The following SCYL2 variants were observed in gnomAD, a reference collection of about 807,000 sequenced individuals.
SCYL2 encodes SCY1 like pseudokinase 2.
Under a neutral mutation model 100.4 loss-of-function variants are expected in SCYL2, and 36 were observed. The ratio of observed to expected loss-of-function variants is 0.36; its 90% CI spans 0.27 to 0.47. The LOEUF (loss-of-function observed/expected upper bound fraction) is 0.47. Ranked by LOEUF, SCYL2 falls within the 20% of genes least tolerant of loss-of-function variation. The pLI is 1.00. For synonymous variants in SCYL2, 330 were observed against 359.2 expected (o/e 0.92, Z 0.92); for missense variants, 902 against 1,083.9 (o/e 0.83, Z 2.36).
chr12:100,298,635 C>T (rs542693792), intron 4 of SCYL2, among the ~76,000 whole-genome samples: 4 of 152,224 alleles, frequency 2.6e-5, no homozygotes, highest in African/African-American at 9.6e-5. Flanking sequence ...CTGCAACCTC[C>T]ACCTCCCTGC....
At chr12:100,268,732 A>G (rs2096283248) in intron 1 of SCYL2, among the ~76,000 whole-genome samples, 1 of 152,186 alleles carries the variant, frequency 6.6e-6, no homozygotes, top group African/African-American at 2.4e-5. Flanking sequence ...ACTCATATTC[A>G]CATGTTTGAA....
At chr12:100,295,771 G>A (rs1181470880) in intron 3 of SCYL2, among the ~76,000 whole-genome samples, 4 of 89,050 alleles carry the variant, frequency 4.5e-5, no homozygotes, top group African/African-American at 1.7e-4. Context: ...GTGGGGAGAC[G>A]GGAGAGGGAG....
chr12:100,332,149 C>T (rs962531872), intron 13 of SCYL2, among the ~76,000 whole-genome samples: 5 of 152,160 alleles, frequency 3.3e-5, no homozygotes, highest in Admixed American at 2.6e-4. Context: ...CGCAGGATTC[C>T]CCTTGTAATG....
intron 2 of SCYL2, among the ~76,000 whole-genome samples, chr12:100,290,426 G>A (rs1199288395): frequency 6.6e-6 from 1 of 152,102 alleles, no homozygotes; most frequent in Non-Finnish European, 1.5e-5. Flanking sequence ...ATATACATAA[G>A]GAACCCTCAT....
chr12:100,284,138 A>G (rs1193706412), intron 2 of SCYL2, among the ~76,000 whole-genome samples: 5 of 152,230 alleles, frequency 3.3e-5, no homozygotes, highest in Non-Finnish European at 7.3e-5. Flanking sequence ...ACAAATTTAT[A>G]AAATTAGACA....
intron 10 of SCYL2, among the ~76,000 whole-genome samples, chr12:100,320,978 G>C (rs2096355164): frequency 6.6e-6 from 1 of 152,120 alleles, no homozygotes; most frequent in Non-Finnish European, 1.5e-5. Flanking sequence ...GCCCAGGCTT[G>C]AGTGCAGTGG....
At chr12:100,326,118 A>G (rs1566368869) in intron 11 of SCYL2, among the ~76,000 whole-genome samples, 1 of 152,120 alleles carries the variant, frequency 6.6e-6, no homozygotes, top group African/African-American at 2.4e-5. Flanking sequence ...AAGCTTCTAA[A>G]TAAGAGGTCT....
chr12:100,295,827 T>C, intron 3 of SCYL2, among the ~76,000 whole-genome samples: 1 of 151,820 alleles, frequency 6.6e-6, no homozygotes, highest in Non-Finnish European at 1.5e-5. Flanking sequence ...TCATCCATGC[T>C]GAGCTGCAAG....
chr12:100,283,551 T>G (rs1293334651), intron 2 of SCYL2, among the ~76,000 whole-genome samples: 1 of 152,170 alleles, frequency 6.6e-6, no homozygotes. Context: ...CAACGTTAAG[T>G]GCGTCTTAGT....
chr12:100,325,692 T>C (rs549249262), intron 11 of SCYL2, among the ~76,000 whole-genome samples: 1 of 152,296 alleles, frequency 6.6e-6, no homozygotes, highest in East Asian at 1.9e-4. Flanking sequence ...ATTACTTACA[T>C]GACTAATATT....
chr12:100,312,828 G>T (rs1487458540), intron 6 of SCYL2, among the ~76,000 whole-genome samples, 175 bp downstream of exon 6: 1 of 152,008 alleles, frequency 6.6e-6, no homozygotes, highest in Admixed American at 6.6e-5. Flanking sequence ...TATAAGTAAC[G>T]CAGACTAGGC....
chr12:100,291,615 G>T lies in SCYL2; in HGVS notation c.290G>T (p.Arg97Leu). ...GGAGTCCAACAGTTAACTCGGCTTC[G>T]ACACCCTCGACTTCTTACTGTCCAG... ...KRGVQQLTRL[R>L]HPRLLTVQHP... is the part of the protein sequence containing the mutation. Residue 97 changes from arginine to leucine, a missense_variant, in exon 3 of 18, where the codon CGA (arginine) becomes CTA (leucine). Physicochemically the swap from Arg to Leu is moderately radical, Grantham distance 102. Coordinates refer to ENST00000360820, the MANE Select transcript of SCYL2 (RefSeq NM_017988.6). The T allele has an allele frequency of 6.3e-7, 1 of 1,598,832 alleles. No individual in the cohort carries two copies. Among genetic ancestry groups the T allele is most frequent in the Middle Eastern group, 1.7e-4 (1 of 6,050 alleles).
Position 100,283,147 on chromosome 12 carries a change from G to A in SCYL2, c.177G>A (p.Gln59=). 1 of 1,598,982 alleles carries A rather than the reference G, an allele frequency of 6.3e-7. No individual in the cohort carries two copies. Among genetic ancestry groups the A allele is most frequent in the Non-Finnish European group, 8.5e-7 (1 of 1,173,364 alleles). The change falls in exon 2 of 18, where the codon CAG becomes CAA. Residue 59 remains glutamine (Q), a splice_region_variant and synonymous_variant. Coordinates refer to ENST00000360820, the MANE Select transcript of SCYL2 (RefSeq NM_017988.6). ...IFNGTKKSTK[Q]EVAVFVFDKK... Reference sequence around the variant, plus strand: ...ATGGCACAAAAAAGTCAACAAAGCAGGTGAGTTTTAATTCAGCATCCACTT... The same window carrying A: ...ATGGCACAAAAAAGTCAACAAAGCAAGTGAGTTTTAATTCAGCATCCACTT...
At chr12:100,297,696 A>C (rs1566353654) in intron 3 of SCYL2, among the ~76,000 whole-genome samples, 3 of 152,200 alleles carry the variant, frequency 2.0e-5, no homozygotes, top group African/African-American at 7.2e-5. Context: ...CAGTATTTTG[A>C]ATTAGTTTAT....
intron 1 of SCYL2, among the ~76,000 whole-genome samples, chr12:100,279,167 G>A (rs963579653): frequency 1.3e-5 from 2 of 152,226 alleles, no homozygotes; most frequent in Non-Finnish European, 2.9e-5. Context: ...ACAGATGGGG[G>A]ATGGGAGGCT....
intron 13 of SCYL2, chr12:100,333,506 T>C (rs889961665): frequency 3.3e-5 from 5 of 152,232 alleles, no homozygotes; most frequent in African/African-American, 1.2e-4. Flanking sequence ...GAGAGCCATT[T>C]CTAGATTCTT....
intron 2 of SCYL2, 87 bp downstream of exon 2, chr12:100,283,234 C>T: frequency 2.6e-6 from 3 of 1,173,608 alleles, no homozygotes; most frequent in South Asian, 1.6e-5. Context: ...TTAAGAAATG[C>T]CAAAAGTTCT....
chr12:100,326,550 G>C, intron 11 of SCYL2, 72 bp from the exon 12 acceptor site: 8 of 1,095,652 alleles, frequency 7.3e-6, no homozygotes, highest in Non-Finnish European at 1.0e-5. Flanking sequence ...TGAAGATTAA[G>C]TTTACACTTA....
At chr12:100,302,605 G>C (rs2096329262) in intron 4 of SCYL2, among the ~76,000 whole-genome samples, 1 of 152,172 alleles carries the variant, frequency 6.6e-6, no homozygotes, top group Non-Finnish European at 1.5e-5. Context: ...CTGGCTTGTA[G>C]GGTTTCTGCA....
Sources: allele counts gnomAD v4.1 joint callset (sites outside exome capture counted in the v4.1 genomes callset), GRCh38; gene constraint gnomAD v4.1.1; transcripts MANE v1.5; gene names NCBI Gene and HGNC (gene_info 2026-07-23, HGNC 2026-07-21).